The following RALYL variants were observed in gnomAD, a reference collection of about 807,000 sequenced individuals.
RALYL encodes the protein RALY RNA binding protein like.
Under a neutral mutation model 35.1 loss-of-function variants are expected in RALYL, and 29 were observed. The ratio of observed to expected loss-of-function variants is 0.83; its 90% CI spans 0.61 to 1.13. RALYL has a LOEUF of 1.13. RALYL is among the 50% of genes most tolerant of loss of function. The pLI is 0.00. For missense variants in RALYL, 359 were observed against 360.4 expected, an observed-to-expected ratio of 1.00 and a Z score of 0.03; for synonymous variants, 120 against 127.6, an observed-to-expected ratio of 0.94 and a Z score of 0.40.
chr8:84,905,849 C>T (rs1446098567), intron 8 of RALYL, among the ~76,000 whole-genome samples: 1 of 151,884 alleles, frequency 6.6e-6, no homozygotes, highest in African/African-American at 2.4e-5. Context: ...TCTTCCAGAG[C>T]TACATGATAG....
rs1177577694 is a variant in RALYL, at chr8:84,353,328, C to T, written c.-24+168904C>T. ...GTACTGTCTTGGTGATATCTGTAAACTTTCCATCTCCTACTAGCTTTTAAG... is the reference window on the plus strand; with the variant it reads ...GTACTGTCTTGGTGATATCTGTAAATTTTCCATCTCCTACTAGCTTTTAAG... On this transcript the variant is annotated intron_variant, in intron 1 of 8. Coordinates refer to ENST00000521268, the MANE Select transcript of RALYL (RefSeq NM_173848.7). 2.7e-5 allele frequency among the ~76,000 whole-genome samples: 4 copies of T among 150,412 alleles called. 1 individual carries two copies. The highest frequency in any genetic ancestry group is 7.4e-5 in the African/African-American group (3 of 40,516).
rs530899304 is a variant in RALYL at position 84,243,478 on chromosome 8, G to A, written c.-24+59054G>A. 2.1e-3 allele frequency among the ~76,000 whole-genome samples: 270 copies of A among 131,052 alleles called. 2 individuals are homozygous for A. Among genetic ancestry groups the A allele is most frequent in the African/African-American group, 7.3e-3 (260 of 35,408 alleles). The allele number at this position is 131,052 out of a possible 152,430, so 86.0% of individuals were successfully genotyped here. ...ATCCATGAGCATGGAATATTTTTCC[G>A]TTTGTTTCTGTTCTCTCTCACACTT... On this transcript the variant is annotated intron_variant, in intron 1 of 8. Transcript: ENST00000521268.
At chr8:84,427,316 T>C (rs2132587392) in intron 1 of RALYL, among the ~76,000 whole-genome samples, 1 of 152,256 alleles carries the variant, frequency 6.6e-6, no homozygotes, top group Non-Finnish European at 1.5e-5. Flanking sequence ...TTCCATATCC[T>C]CCTTTTTAGA....
chr8:84,422,972 T>C, intron 1 of RALYL, among the ~76,000 whole-genome samples: 1 of 148,828 alleles, frequency 6.7e-6, no homozygotes, highest in East Asian at 2.0e-4. Context: ...CTTCCAAGTA[T>C]GTGGTCAATT....
At chr8:84,347,905 T>C (rs1468656686) in intron 1 of RALYL, among the ~76,000 whole-genome samples, 1 of 152,102 alleles carries the variant, frequency 6.6e-6, no homozygotes, top group East Asian at 1.9e-4. Context: ...ACTGAGCCTG[T>C]AGAGGTTCAG....
At chr8:84,724,790 G>A (rs1162292981) in intron 2 of RALYL, among the ~76,000 whole-genome samples, 1 of 151,640 alleles carries the variant, frequency 6.6e-6, no homozygotes, top group African/African-American at 2.4e-5. Context: ...TAGAATTTGT[G>A]CTTAGAAATT....
intron 6 of RALYL, among the ~76,000 whole-genome samples, chr8:84,864,210 T>TGC (rs1838700913): frequency 6.6e-6 from 1 of 151,854 alleles, no homozygotes; most frequent in Admixed American, 6.6e-5. Flanking sequence ...TTTGTGTGTG[T>TGC]GTGTGTGTGT....
At chr8:84,491,030 C>A (rs572005377) in intron 1 of RALYL, among the ~76,000 whole-genome samples, 1 of 151,746 alleles carries the variant, frequency 6.6e-6, no homozygotes, top group Non-Finnish European at 1.5e-5. Flanking sequence ...ATGATCAAAA[C>A]GGGGAAGAAC....
chr8:84,911,196 T>C (rs561688086), intron 8 of RALYL, among the ~76,000 whole-genome samples: 12 of 152,244 alleles, frequency 7.9e-5, no homozygotes, highest in African/African-American at 2.9e-4. Context: ...TGAGGCTTAA[T>C]TTCCTTCTCT....
chr8:84,495,125 G>A (rs144500987), intron 1 of RALYL, among the ~76,000 whole-genome samples: 257 of 152,084 alleles, frequency 1.7e-3, no homozygotes, highest in African/African-American at 6.0e-3. Context: ...GAATTTTATC[G>A]AAGCTCTTTT....
chr8:84,473,400 A>G (rs1315663585), intron 1 of RALYL, among the ~76,000 whole-genome samples: 1 of 151,740 alleles, frequency 6.6e-6, no homozygotes, highest in South Asian at 2.1e-4. Context: ...GATCATCTTT[A>G]AAGTGCTTTT....
intron 2 of RALYL, among the ~76,000 whole-genome samples, chr8:84,660,184 C>A (rs1264011266): frequency 1.3e-5 from 2 of 151,996 alleles, no homozygotes; most frequent in Non-Finnish European, 2.9e-5. Flanking sequence ...GATATTTGTT[C>A]TAAATTTTCA....
intron 1 of RALYL, among the ~76,000 whole-genome samples, chr8:84,230,335 A>C (rs148231922): frequency 0.016 from 2,413 of 152,216 alleles, 30 homozygotes; most frequent in South Asian, 0.028. Context: ...CCTAAAAATA[A>C]ATATTAATAA....
intron 1 of RALYL, among the ~76,000 whole-genome samples, chr8:84,347,655 T>C (rs1282204785): frequency 1.3e-5 from 2 of 152,096 alleles, no homozygotes; most frequent in Non-Finnish European, 2.9e-5. Flanking sequence ...AGGACATAAG[T>C]CCCTAATGTC....
At chr8:84,519,889 C>A (rs987005818) in intron 1 of RALYL, among the ~76,000 whole-genome samples, 4 of 152,182 alleles carry the variant, frequency 2.6e-5, no homozygotes, top group African/African-American at 9.7e-5. Context: ...AGTCACCAAA[C>A]AATGTAATGG....
intron 7 of RALYL, 89 bp downstream of exon 7, chr8:84,873,486 G>C (rs1027670032): frequency 1.4e-6 from 1 of 735,264 alleles, no homozygotes; most frequent in African/African-American, 1.8e-5. Context: ...GAAGACACTG[G>C]CTGAGTTTAA....
At chr8:84,820,741 C>G (rs572351034) in intron 4 of RALYL, among the ~76,000 whole-genome samples, 8 of 152,010 alleles carry the variant, frequency 5.3e-5, no homozygotes, top group Non-Finnish European at 1.0e-4. Context: ...GTGTGATGTT[C>G]CCCTCCCTGT....
intron 2 of RALYL, chr8:84,679,070 A>C (rs951742070): frequency 1.0e-5 from 3 of 288,150 alleles, no homozygotes; most frequent in Non-Finnish European, 2.1e-5. Context: ...CAGGGTGAAC[A>C]ATGTTTACAG....
At chr8:84,247,547 A>G (rs907740326) in intron 1 of RALYL, among the ~76,000 whole-genome samples, 78 of 151,352 alleles carry the variant, frequency 5.2e-4, no homozygotes, top group Admixed American at 1.7e-3. Flanking sequence ...AAAAAAAAAG[A>G]AAAAAAAACT....
Sources: allele counts gnomAD v4.1 joint callset (sites outside exome capture counted in the v4.1 genomes callset), GRCh38; gene constraint gnomAD v4.1.1; transcripts MANE v1.5; gene names NCBI Gene and HGNC (gene_info 2026-07-23, HGNC 2026-07-21).